The following SART3 variants were observed in gnomAD, a reference collection of about 807,000 sequenced individuals.
SART3 encodes HIV-1 Tat-interacting protein of 110kDa.
Under a neutral mutation model 122.3 loss-of-function variants are expected in SART3, and 44 were observed. The observed-to-expected ratio is 0.36, with a 90% CI of 0.28 to 0.46. SART3 has a LOEUF of 0.46. SART3 is among the 20% of genes least tolerant of loss of function. The probability of loss-of-function intolerance (pLI) is 1.00; values close to 1 mark genes in which losing one functional copy is unlikely to be tolerated. For synonymous variants in SART3, 442 were observed against 454.0 expected (o/e 0.97, Z 0.34); for missense variants, 1,101 against 1,229.0 (o/e 0.90, Z 1.56).
intron 1 of SART3, among the ~76,000 whole-genome samples, chr12:108,552,958 A>G (rs2136693056): frequency 6.6e-6 from 1 of 151,820 alleles, no homozygotes; most frequent in South Asian, 2.1e-4. Flanking sequence ...TACAGCTACA[A>G]TCATCAAGGC....
rs758154672 is a variant in SART3 at position 108,549,204 on chromosome 12, T to C, written c.323A>G (p.Asn108Ser). ...IERLEEQLSI[N>S]VYDYNCHVDL... ...CACATGGCAGTTGTAGTCATAGACG[T>C]TGATAGACAACTAACAGGAAAAGAA... The change falls in exon 2 of 19, where the codon AAC becomes AGC. Residue 108 changes from asparagine (N) to serine (S), a missense_variant. Around this residue, in one of 2 missense-constraint regions of SART3, gnomAD observed 216 missense variants for 148.9 expected, o/e 1.45. Transcript: ENST00000546815. 1.2e-5 allele frequency: 19 copies of C among 1,614,070 alleles called. No homozygotes were observed. The Admixed American group carries it at 1.3e-4, about 11-fold the overall frequency.
chr12:108,536,643 C>T, intron 10 of SART3, 65 bp downstream of exon 10: 8 of 1,609,160 alleles, frequency 5.0e-6, no homozygotes, highest in Non-Finnish European at 6.8e-6. Context: ...AAAGGTACAT[C>T]AACCAGGAAA....
chr12:108,545,882 C>T (rs1214546015), intron 3 of SART3, among the ~76,000 whole-genome samples: 1 of 146,736 alleles, frequency 6.8e-6, no homozygotes, highest in Non-Finnish European at 1.5e-5. Flanking sequence ...AGGAGAATCG[C>T]TTGAACCTGG....
At chr12:108,553,391 T>C (rs1286881826) in intron 1 of SART3, among the ~76,000 whole-genome samples, 1 of 152,196 alleles carries the variant, frequency 6.6e-6, no homozygotes, top group African/African-American at 2.4e-5. Flanking sequence ...ACGAAAAATC[T>C]CTATTATTTC....
Position 108,523,143 on chromosome 12 carries a change from A to G in SART3, c.*314T>C. 2.2e-6 allele frequency: 1 copy of G among 457,500 alleles called. No individual in the cohort carries two copies. Among genetic ancestry groups the G allele is most frequent in the Non-Finnish European group, 4.0e-6 (1 of 249,554 alleles). The allele number at this position is 457,500 out of a possible 1,614,324, so 28.3% of individuals were successfully genotyped here. Reference sequence around the variant, plus strand: ...GGAGCTGGCCAGAAACATTTGGACAACTGTGTCTCAAAAACAGTGTGTTCT... The same window carrying G: ...GGAGCTGGCCAGAAACATTTGGACAGCTGTGTCTCAAAAACAGTGTGTTCT... On this transcript the variant is annotated 3_prime_UTR_variant, in exon 19 of 19. Coordinates refer to ENST00000546815, the MANE Select transcript of SART3 (RefSeq NM_014706.4).
At position 108,535,486 on chromosome 12, in the gene SART3, G is replaced by A; in HGVS notation, c.1447-18C>T. On this transcript the variant is annotated intron_variant, in intron 11 of 18. Coordinates refer to ENST00000546815, the MANE Select transcript of SART3 (RefSeq NM_014706.4). Reference sequence around the variant, plus strand: ...AGTCGAGCCTAAAGTGCATCAGCAGGCTGTTAGGAGACCTGAACCTTATGA... The same window carrying A: ...AGTCGAGCCTAAAGTGCATCAGCAGACTGTTAGGAGACCTGAACCTTATGA... The A allele has an allele frequency of 1.2e-6, 2 of 1,600,476 alleles. No homozygotes were observed. Among genetic ancestry groups the A allele is most frequent in the Non-Finnish European group, 8.6e-7 (1 of 1,167,604 alleles).
chr12:108,545,065 G>A, intron 4 of SART3, 74 bp downstream of exon 4: 1 of 1,410,420 alleles, frequency 7.1e-7, no homozygotes, highest in Non-Finnish European at 1.0e-6. Flanking sequence ...ATGGACATGT[G>A]TTTCAAAATA....
At chr12:108,524,151 G>A (rs953458749) in intron 18 of SART3, 165 bp downstream of exon 18, 2 of 712,670 alleles carry the variant, frequency 2.8e-6, no homozygotes, top group African/African-American at 3.5e-5. Flanking sequence ...TCCTGCTCTG[G>A]ACGCCTTGCT....
rs755133263 is a variant in SART3 at position 108,538,163 on chromosome 12, T to C, written c.1103A>G (p.His368Arg). ...LKVKDLVLSV[H>R]NRAIRNCPWT... ...GGGGCAGTTTCTAATAGCGCGGTTA[T>C]GTACAGATAAAACCAAATCCTTTAC... The change falls in exon 8 of 19, where the codon CAT becomes CGT. Residue 368 changes from histidine (H) to arginine (R), a missense_variant. By Grantham distance (29) the His-to-Arg change is conservative. Coordinates refer to ENST00000546815, the MANE Select transcript of SART3 (RefSeq NM_014706.4). The C allele has an allele frequency of 1.2e-6, 2 of 1,614,224 alleles. No homozygotes were observed. The highest frequency in any genetic ancestry group is 1.1e-5 in the South Asian group (1 of 91,088).
In SART3 at chr12:108,548,520, G is replaced by A. The variant is rs765007553; in HGVS notation, c.440-529C>T. ...TCACCTGACTCCAGCATCTACACTC[G>A]GCAGTTATGCTTTGCAGAAGGGAAA... On this transcript the variant is annotated intron_variant, in intron 2 of 18. Coordinates refer to ENST00000546815, the MANE Select transcript of SART3 (RefSeq NM_014706.4). Among the ~76,000 whole-genome samples, 9 of 152,160 alleles carry A rather than the reference G, an allele frequency of 5.9e-5. No homozygotes were observed. In the East Asian group the frequency reaches 7.7e-4, roughly 13 times the overall value.
intron 1 of SART3, among the ~76,000 whole-genome samples, chr12:108,553,161 C>T (rs574423483): frequency 1.6e-4 from 24 of 152,248 alleles, no homozygotes; most frequent in Non-Finnish European, 2.8e-4. Flanking sequence ...CTAAACTTCA[C>T]GCCTTACAGA....
chr12:108,538,861 C>A lies in SART3; in HGVS notation c.1062+73G>T. 3 of 1,586,226 alleles carry A rather than the reference C, an allele frequency of 1.9e-6. No individual in the cohort carries two copies. The East Asian group carries it at 6.7e-5, about 36-fold the overall frequency. On this transcript the variant is annotated intron_variant, in intron 7 of 18. Transcript: ENST00000546815. ...AGAGTAGGGCCGTATGCAACAAACT[C>A]CTGGCACTCTTACTGATTTTAAGTA...
chr12:108,525,690 T>A, intron 16 of SART3, 81 bp from the exon 17 acceptor site: 1 of 1,446,920 alleles, frequency 6.9e-7, no homozygotes, highest in Non-Finnish European at 9.7e-7. Context: ...ACCAGCCTTG[T>A]CCCCATGAGC....
Position 108,523,214 on chromosome 12 carries a change from G to C in SART3, c.*243C>G. The C allele has an allele frequency of 1.7e-6, 1 of 588,748 alleles. No homozygotes were observed. Among genetic ancestry groups the C allele is most frequent in the South Asian group, 2.0e-5 (1 of 50,406 alleles). The allele number at this position is 588,748 out of a possible 1,614,324, so 36.5% of individuals were successfully genotyped here. A position where few individuals can be genotyped will look rare whatever the true frequency, so the allele number is the denominator to read the frequency against. On this transcript the variant is annotated 3_prime_UTR_variant, in exon 19 of 19. Coordinates refer to ENST00000546815, the MANE Select transcript of SART3 (RefSeq NM_014706.4). ...GTCTTTAAGATACAAAACTATCTCA[G>C]GACACCACATCCTGGGCCCAGCCTG...
intron 18 of SART3, chr12:108,523,917 A>G: frequency 5.2e-6 from 3 of 576,962 alleles, no homozygotes; most frequent in Non-Finnish European, 9.2e-6. Flanking sequence ...TCACCTGGCA[A>G]TTCTGCTATC....
Position 108,561,170 on chromosome 12 carries a change from A to T in SART3, c.-16T>A, listed in dbSNP as rs1244307161. 1 of 1,602,892 alleles carries T rather than the reference A, an allele frequency of 6.2e-7. No homozygotes were observed. The highest frequency in any genetic ancestry group is 2.3e-5 in the East Asian group (1 of 44,408). ...CAGTCGCCATCTTGCGCTTCTAATG[A>T]CTCTCGGGTCTTCCCGCGGCCGCCG... On this transcript the variant is annotated 5_prime_UTR_variant, in exon 1 of 19. Coordinates refer to ENST00000546815, the MANE Select transcript of SART3 (RefSeq NM_014706.4).
chr12:108,528,723 A>G (rs1258829374), intron 15 of SART3, among the ~76,000 whole-genome samples: 1 of 152,108 alleles, frequency 6.6e-6, no homozygotes, highest in East Asian at 1.9e-4. Context: ...GGCACATATG[A>G]GAAGGGGAGG....
chr12:108,538,891 C>G, intron 7 of SART3, 43 bp downstream of exon 7: 2 of 1,613,276 alleles, frequency 1.2e-6, no homozygotes, highest in Non-Finnish European at 1.7e-6. Flanking sequence ...TAAGTAGATT[C>G]TAAATTGGCA....
chr12:108,549,621 T>C (rs556623500), intron 1 of SART3, among the ~76,000 whole-genome samples: 1 of 152,338 alleles, frequency 6.6e-6, no homozygotes, highest in East Asian at 1.9e-4. Flanking sequence ...TTTCTACTGT[T>C]ACACTGGTCT....
Sources: allele counts gnomAD v4.1 joint callset (sites outside exome capture counted in the v4.1 genomes callset), GRCh38; gene constraint gnomAD v4.1.1; regional missense constraint gnomAD v4.1.1; transcripts MANE v1.5; gene names NCBI Gene and HGNC (gene_info 2026-07-23, HGNC 2026-07-21).